The following SCLT1 variants were observed in gnomAD, a reference collection of about 807,000 sequenced individuals.
The protein encoded by SCLT1 is sodium channel-associated protein 1.
In SCLT1, 78 loss-of-function variants were observed where a neutral mutation model predicts 112.8. The observed-to-expected ratio is 0.69, with a 90% CI of 0.58 to 0.83. The LOEUF is 0.83. Among genes scored for constraint, SCLT1 ranks in the 40% least tolerant of loss-of-function variants. The pLI, the probability that SCLT1 is intolerant of heterozygous loss-of-function variation, is 0.00. For missense variants in SCLT1, 747 were observed against 770.4 expected (o/e 0.97, Z 0.36); for synonymous variants, 257 against 254.7 (o/e 1.01, Z -0.09).
intron 2 of SCLT1, among the ~76,000 whole-genome samples, chr4:129,067,183 C>A (rs189692447): frequency 9.9e-5 from 15 of 151,390 alleles, no homozygotes; most frequent in Admixed American, 3.9e-4. Context: ...ATAGAAAACA[C>A]TTAATAAATC....
intron 5 of SCLT1, among the ~76,000 whole-genome samples, chr4:129,032,843 GT>G (rs1377693129): frequency 6.6e-6 from 1 of 152,210 alleles, no homozygotes; most frequent in Non-Finnish European, 1.5e-5. Flanking sequence ...ACAGATGCTG[GT>G]GAGGCTGTGG....
intron 15 of SCLT1, among the ~76,000 whole-genome samples, chr4:128,947,905 T>A (rs892384334): frequency 2.6e-5 from 4 of 152,046 alleles, no homozygotes; most frequent in Admixed American, 6.6e-5. Context: ...AGAGCTAAAA[T>A]AAAACTCAAA....
chr4:128,928,993 A>C (rs1736536265), intron 18 of SCLT1, among the ~76,000 whole-genome samples: 1 of 152,230 alleles, frequency 6.6e-6, no homozygotes, highest in African/African-American at 2.4e-5. Context: ...AACAAGAATA[A>C]GAATCCTGAT....
Position 128,890,972 on chromosome 4 carries a change from A to G in SCLT1, c.1908+87T>C, listed in dbSNP as rs1033525459. On this transcript the variant is annotated intron_variant, in intron 19 of 20. Coordinates refer to ENST00000281142, the MANE Select transcript of SCLT1 (RefSeq NM_144643.4). ...TGTATTGTTATTTCCAAGTAGAGAA[A>G]TAATTTGGATTTGGCTCAGGTAAAA... 10 of 844,564 alleles carry G rather than the reference A, an allele frequency of 1.2e-5. No homozygotes were observed. The South Asian group carries it at 1.3e-4, about 11-fold the overall frequency. 52.3% of individuals were successfully genotyped at this position (844,564 alleles called of 1,614,324 possible).
At chr4:128,948,159 C>A (rs1738345437) in intron 15 of SCLT1, among the ~76,000 whole-genome samples, 3 of 151,484 alleles carry the variant, frequency 2.0e-5, no homozygotes, top group Admixed American at 2.0e-4. Context: ...CATGGTGAAA[C>A]CCCATCTCTA....
intron 5 of SCLT1, chr4:129,037,604 TA>T (rs2125689976): frequency 6.6e-6 from 1 of 152,324 alleles, no homozygotes; most frequent in African/African-American, 2.4e-5. Flanking sequence ...CATAAATTCC[TA>T]ACCCCAGGAT....
chr4:129,026,551 G>A (rs1342635717), intron 5 of SCLT1, among the ~76,000 whole-genome samples: 1 of 152,038 alleles, frequency 6.6e-6, no homozygotes, highest in Non-Finnish European at 1.5e-5. Flanking sequence ...ATTCAAAGCA[G>A]TGTGTAGAGA....
chr4:129,031,246 T>C (rs1395406448), intron 5 of SCLT1, among the ~76,000 whole-genome samples: 1 of 152,124 alleles, frequency 6.6e-6, no homozygotes, highest in Non-Finnish European at 1.5e-5. Flanking sequence ...GAAAAGGCCT[T>C]TGATAAAATT....
intron 5 of SCLT1, among the ~76,000 whole-genome samples, chr4:129,015,008 T>C (rs72924153): frequency 0.018 from 2,743 of 152,036 alleles, 72 homozygotes; most frequent in African/African-American, 0.055. Flanking sequence ...CTGTGGTAGC[T>C]CAGTGTGGGG....
At position 129,082,333 on chromosome 4, in the gene SCLT1, T is replaced by G; in HGVS notation, c.75A>C (p.Glu25Asp). Residue 25 changes from glutamate to aspartate, a missense_variant, in exon 2 of 21, where the codon GAA (glutamate) becomes GAC (aspartate). Physicochemically the swap from Glu to Asp is conservative, Grantham distance 45 (BLOSUM62 2). Coordinates refer to ENST00000281142, the MANE Select transcript of SCLT1 (RefSeq NM_144643.4). ...LNEDFRRYQM[E>D]SFSKYSSVQK... ...GTACAGATGAATATTTGGAAAAACTTTCCATTTGATACCGCCTAAAATCTT... is the reference window on the plus strand; with the variant it reads ...GTACAGATGAATATTTGGAAAAACTGTCCATTTGATACCGCCTAAAATCTT... 6.3e-7 allele frequency: 1 copy of G among 1,589,864 alleles called. No individual in the cohort carries two copies. The highest frequency in any genetic ancestry group is 1.3e-5 in the African/African-American group (1 of 74,386).
At chr4:129,054,414 A>G (rs993674456) in intron 2 of SCLT1, among the ~76,000 whole-genome samples, 1 of 152,036 alleles carries the variant, frequency 6.6e-6, no homozygotes, top group African/African-American at 2.4e-5. Flanking sequence ...GCCTTTTCAC[A>G]TAGTCCCATA....
At chr4:129,051,835 C>A (rs888912361) in intron 2 of SCLT1, among the ~76,000 whole-genome samples, 5 of 152,230 alleles carry the variant, frequency 3.3e-5, no homozygotes, top group Admixed American at 2.6e-4. Context: ...CAGTTGTTGC[C>A]CATTTGGTAT....
chr4:129,076,622 C>T (rs1204970327), intron 2 of SCLT1, among the ~76,000 whole-genome samples: 2 of 151,452 alleles, frequency 1.3e-5, no homozygotes, highest in Admixed American at 6.6e-5. Context: ...ATACATATAC[C>T]GGTGTGGCGT....
At chr4:128,983,599 T>A (rs756003323) in intron 9 of SCLT1, among the ~76,000 whole-genome samples, 1 of 152,142 alleles carries the variant, frequency 6.6e-6, no homozygotes, top group African/African-American at 2.4e-5. Context: ...GAAACAGCAA[T>A]ATGACTATTT....
At chr4:129,030,120 C>G (rs1487137779) in intron 5 of SCLT1, among the ~76,000 whole-genome samples, 1 of 152,140 alleles carries the variant, frequency 6.6e-6, no homozygotes, top group African/African-American at 2.4e-5. Flanking sequence ...TCTCTCAGAT[C>G]ACAGTGCAAT....
At chr4:128,874,162 A>C (rs1732400926) in intron 5 of SCLT1, 1 of 152,612 alleles carries the variant, frequency 6.6e-6, no homozygotes, top group African/African-American at 2.4e-5. Context: ...ATAATTTAAA[A>C]ATTAGATTTT....
intron 2 of SCLT1, among the ~76,000 whole-genome samples, chr4:129,051,238 G>T (rs1420338344): frequency 1.3e-5 from 2 of 151,952 alleles, no homozygotes; most frequent in Non-Finnish European, 2.9e-5. Flanking sequence ...GAAATTTAAA[G>T]TAGTTTTTTT....
At chr4:128,978,015 A>G (rs1040123873) in intron 9 of SCLT1, among the ~76,000 whole-genome samples, 1 of 152,166 alleles carries the variant, frequency 6.6e-6, no homozygotes, top group African/African-American at 2.4e-5. Flanking sequence ...CATAGAGCCA[A>G]CACGAGCAGA....
chr4:128,906,275 G>C (rs1734685915), intron 18 of SCLT1, among the ~76,000 whole-genome samples: 1 of 152,064 alleles, frequency 6.6e-6, no homozygotes, highest in Non-Finnish European at 1.5e-5. Flanking sequence ...TCGGCTCACT[G>C]CAAGCTCTGC....
Sources: allele counts gnomAD v4.1 joint callset (sites outside exome capture counted in the v4.1 genomes callset), GRCh38; gene constraint gnomAD v4.1.1; transcripts MANE v1.5; gene names NCBI Gene and HGNC (gene_info 2026-07-23, HGNC 2026-07-21).